Variants in SPATA16 observed in about 807,000 individuals in gnomAD.
The protein encoded by SPATA16 is spermatogenesis-associated protein 16.
In SPATA16, 36 loss-of-function variants were observed where a neutral mutation model predicts 63.3. That is an observed-to-expected ratio of 0.57 (90% CI 0.44 to 0.75). The LOEUF (loss-of-function observed/expected upper bound fraction) is 0.75, where lower values mean the gene tolerates loss of function less well. Among genes scored for constraint, SPATA16 ranks in the 30% least tolerant of loss-of-function variants. The probability of loss-of-function intolerance (pLI) is 0.00; values close to 1 mark genes in which losing one functional copy is unlikely to be tolerated. For synonymous variants in SPATA16, 203 were observed against 216.7 expected, an observed-to-expected ratio of 0.94 and a Z score of 0.56; for missense variants, 646 against 679.3, an observed-to-expected ratio of 0.95 and a Z score of 0.54.
chr3:173,114,884 T>C (rs1737853480), intron 2 of SPATA16, among the ~76,000 whole-genome samples: 1 of 152,256 alleles, frequency 6.6e-6, no homozygotes, highest in Non-Finnish European at 1.5e-5. Flanking sequence ...AAATCTTTTC[T>C]ATTCCCAGTA....
rs558548804 is a variant in SPATA16, at chr3:173,092,384, C to G, written c.612+24736G>C. On this transcript the variant is annotated intron_variant, in intron 2 of 10. Coordinates refer to ENST00000351008, the MANE Select transcript of SPATA16 (RefSeq NM_031955.6). Reference sequence around the variant, plus strand: ...TCCTCAAAGATGTCTATATCCTACTCCCTGGAACCTGTGGCTACGTTATGC... The same window carrying G: ...TCCTCAAAGATGTCTATATCCTACTGCCTGGAACCTGTGGCTACGTTATGC... Among the ~76,000 whole-genome samples the G allele has an allele frequency of 2.6e-4, 40 of 152,256 alleles. 1 individual carries two copies. Among genetic ancestry groups the G allele is most frequent in the Admixed American group, 1.9e-3 (29 of 15,284 alleles).
intron 2 of SPATA16, among the ~76,000 whole-genome samples, chr3:173,108,639 G>T (rs778407879): frequency 6.6e-6 from 1 of 152,168 alleles, no homozygotes; most frequent in East Asian, 1.9e-4. Flanking sequence ...TAATTATAAA[G>T]TCATATGCTG....
chr3:172,990,453 G>A (rs1734549333), intron 4 of SPATA16, among the ~76,000 whole-genome samples: 1 of 152,080 alleles, frequency 6.6e-6, no homozygotes, highest in Non-Finnish European at 1.5e-5. Context: ...ATTTGCACTG[G>A]GGAAACCAAC....
rs564263787 is a variant in SPATA16, at chr3:172,893,211, T to C, written c.1588-3519A>G. On this transcript the variant is annotated intron_variant, in intron 10 of 10. Coordinates refer to ENST00000351008, the MANE Select transcript of SPATA16 (RefSeq NM_031955.6). Reference sequence around the variant, plus strand: ...TTTAGAATGTGGCCTTATCTGGAGATAGGGTATTTACGTAGCTAATCAAGT... The same window carrying C: ...TTTAGAATGTGGCCTTATCTGGAGACAGGGTATTTACGTAGCTAATCAAGT... Among the ~76,000 whole-genome samples the C allele has an allele frequency of 7.9e-5, 12 of 152,324 alleles. No individual in the cohort carries two copies. In the South Asian group the frequency reaches 2.5e-3, roughly 32 times the overall value.
intron 1 of SPATA16, among the ~76,000 whole-genome samples, chr3:173,135,551 A>G (rs1342339663): frequency 6.6e-6 from 1 of 152,212 alleles, no homozygotes; most frequent in African/African-American, 2.4e-5. Context: ...GAATCATAGA[A>G]AAGATAAAAA....
chr3:173,012,093 G>A (rs1465936846), intron 4 of SPATA16, among the ~76,000 whole-genome samples: 4 of 152,104 alleles, frequency 2.6e-5, no homozygotes, highest in African/African-American at 7.2e-5. Context: ...TTAAAATTCC[G>A]GGATTACAGA....
chr3:172,940,040 A>G (rs1233869217), intron 6 of SPATA16, among the ~76,000 whole-genome samples: 1 of 152,202 alleles, frequency 6.6e-6, no homozygotes, highest in African/African-American at 2.4e-5. Context: ...GTTGGTGAAC[A>G]CATCATGGTG....
chr3:173,055,204 A>G (rs10936741), intron 2 of SPATA16, among the ~76,000 whole-genome samples: 11,033 of 152,248 alleles, frequency 0.072, 550 homozygotes, highest in African/African-American at 0.14. Context: ...TCCATCCTAC[A>G]TTGCTGATAG....
intron 4 of SPATA16, among the ~76,000 whole-genome samples, chr3:172,984,889 A>G (rs1734409282): frequency 6.6e-6 from 1 of 152,242 alleles, no homozygotes; most frequent in Non-Finnish European, 1.5e-5. Flanking sequence ...TATCATGTAC[A>G]TAGCAAGTGC....
At chr3:172,891,034 C>G (rs2109537545) in intron 10 of SPATA16, among the ~76,000 whole-genome samples, 1 of 150,094 alleles carries the variant, frequency 6.7e-6, no homozygotes, top group South Asian at 2.1e-4. Flanking sequence ...TGATTTTCAC[C>G]AAAATAAGAC....
chr3:173,034,820 C>T (rs182979128), intron 3 of SPATA16, among the ~76,000 whole-genome samples: 21 of 152,266 alleles, frequency 1.4e-4, no homozygotes, highest in Non-Finnish European at 2.1e-4. Flanking sequence ...GATCAAACTA[C>T]TGTTTCTTTA....
chr3:173,047,508 T>C (rs957363933), intron 3 of SPATA16, among the ~76,000 whole-genome samples: 4 of 152,062 alleles, frequency 2.6e-5, no homozygotes, highest in African/African-American at 9.6e-5. Flanking sequence ...TTGAAGTCTA[T>C]AAATAGCTTT....
intron 2 of SPATA16, among the ~76,000 whole-genome samples, chr3:173,051,493 G>T (rs926279673): frequency 1.3e-5 from 2 of 152,106 alleles, no homozygotes; most frequent in Non-Finnish European, 1.5e-5. Flanking sequence ...GAGCCACCGT[G>T]CCCAGCCAAT....
intron 1 of SPATA16, among the ~76,000 whole-genome samples, chr3:173,126,968 C>G (rs903504450): frequency 2.0e-5 from 3 of 152,174 alleles, no homozygotes; most frequent in African/African-American, 4.8e-5. Context: ...TTGAACTACC[C>G]TTCAATTTAG....
At chr3:172,983,633 T>C (rs1420159936) in intron 4 of SPATA16, among the ~76,000 whole-genome samples, 1 of 152,128 alleles carries the variant, frequency 6.6e-6, no homozygotes, top group Non-Finnish European at 1.5e-5. Flanking sequence ...TAAATTAATA[T>C]TGTTGCAGAG....
chr3:172,995,017 G>A (rs1267945707), intron 4 of SPATA16, among the ~76,000 whole-genome samples: 2 of 152,016 alleles, frequency 1.3e-5, no homozygotes, highest in Non-Finnish European at 2.9e-5. Flanking sequence ...TGGAGCTTGA[G>A]GGGAAAGATC....
intron 2 of SPATA16, among the ~76,000 whole-genome samples, chr3:173,106,950 T>C (rs1476377538): frequency 6.6e-6 from 1 of 152,216 alleles, no homozygotes; most frequent in Non-Finnish European, 1.5e-5. Context: ...GAGAATTAGA[T>C]AGGTTAATAT....
At chr3:172,911,440 C>A (rs1240941505) in intron 10 of SPATA16, among the ~76,000 whole-genome samples, 1 of 152,172 alleles carries the variant, frequency 6.6e-6, no homozygotes, top group Admixed American at 6.5e-5. Context: ...ATTCCCCAGC[C>A]CGAAGACATG....
At chr3:172,905,945 A>G (rs886404513) in intron 10 of SPATA16, among the ~76,000 whole-genome samples, 7 of 152,218 alleles carry the variant, frequency 4.6e-5, no homozygotes, top group Admixed American at 1.3e-4. Flanking sequence ...TTAGTCTTCA[A>G]TCAGTGATCC....
Sources: gnomAD v4.1 joint callset for allele counts (sites outside exome capture counted in the v4.1 genomes callset) on GRCh38, gnomAD v4.1.1 for gene constraint, MANE v1.5 for transcripts, NCBI Gene and HGNC (gene_info 2026-07-23, HGNC 2026-07-21) for gene names.